Variants in C12orf42 observed in about 807,000 individuals in gnomAD.
C12orf42 encodes chromosome 12 open reading frame 42.
A neutral mutation model predicts 21.6 loss-of-function variants in C12orf42; 25 were observed. The observed-to-expected ratio is 1.16, with a 90% CI of 0.84 to 1.62. The LOEUF (loss-of-function observed/expected upper bound fraction) is 1.62, where lower values mean the gene tolerates loss of function less well. C12orf42 is among the 40% of genes most tolerant of loss of function. The pLI is 0.00. For synonymous variants in C12orf42, 174 were observed against 175.0 expected (o/e 0.99, Z 0.05); for missense variants, 483 against 459.3 (o/e 1.05, Z -0.47).
At chr12:103,048,242 G>T in the C12orf42 span, among the ~76,000 whole-genome samples, 26,709 of 151,788 alleles carry the variant, frequency 0.18, 2,702 homozygotes, top group Admixed American at 0.24. Flanking sequence ...AATAAAGTAG[G>T]GGGCAGAGAA....
intron 2 of C12orf42, among the ~76,000 whole-genome samples, chr12:103,449,158 A>G (rs1037511905): frequency 6.6e-6 from 1 of 152,120 alleles, no homozygotes; most frequent in African/African-American, 2.4e-5. Flanking sequence ...CTACGCAACC[A>G]TAAAAAGGAA....
chr12:103,214,897 CA>C, the C12orf42 span, among the ~76,000 whole-genome samples: 1 of 152,124 alleles, frequency 6.6e-6, no homozygotes, highest in Admixed American at 6.6e-5. Context: ...TTTCCTAGAC[CA>C]AACCTCACCA....
chr12:103,496,242 T>C (rs1448827410), upstream of C12orf42, among the ~76,000 whole-genome samples: 1 of 152,030 alleles, frequency 6.6e-6, no homozygotes, highest in Non-Finnish European at 1.5e-5. Flanking sequence ...ACGGAGGGGG[T>C]ACTTCTGGAG....
At chr12:103,435,889 A>C (rs1950660500) in intron 2 of C12orf42, among the ~76,000 whole-genome samples, 1 of 151,306 alleles carries the variant, frequency 6.6e-6, no homozygotes, top group Non-Finnish European at 1.5e-5. Flanking sequence ...CAGATTCAGG[A>C]AATACAGAGA....
intron 4 of C12orf42, among the ~76,000 whole-genome samples, chr12:103,315,323 C>T (rs56992478): frequency 0.01 from 1,561 of 152,104 alleles, 16 homozygotes; most frequent in African/African-American, 0.036. Flanking sequence ...TGTGCTCTAA[C>T]AGAACAAGTA....
intron 1 of C12orf42, among the ~76,000 whole-genome samples, chr12:103,489,367 C>G (rs982043862): frequency 7.2e-5 from 11 of 152,154 alleles, no homozygotes; most frequent in Non-Finnish European, 2.9e-5. Context: ...GACTGTCAGC[C>G]CCTAATGGGA....
At chr12:103,085,198 T>G in the C12orf42 span, among the ~76,000 whole-genome samples, 1 of 152,192 alleles carries the variant, frequency 6.6e-6, no homozygotes, top group Non-Finnish European at 1.5e-5. Context: ...TTTGGCAAAT[T>G]AATTGAGTCC....
At chr12:103,284,250 G>A (rs1227662054) in intron 4 of C12orf42, among the ~76,000 whole-genome samples, 1 of 152,144 alleles carries the variant, frequency 6.6e-6, no homozygotes, top group Non-Finnish European at 1.5e-5. Flanking sequence ...ATATTTGGAA[G>A]CACAGAGAAA....
intron 4 of C12orf42, among the ~76,000 whole-genome samples, chr12:103,353,542 T>C (rs2043275439): frequency 6.6e-6 from 1 of 152,072 alleles, no homozygotes; most frequent in South Asian, 2.1e-4. Context: ...AGTGTTTATG[T>C]GAGGGCCAGT....
the C12orf42 span, among the ~76,000 whole-genome samples, chr12:103,112,254 C>A: frequency 6.6e-6 from 1 of 152,174 alleles, no homozygotes; most frequent in Non-Finnish European, 1.5e-5. Context: ...CGTTATGAGG[C>A]ATTTAGCTTA....
At chr12:103,417,455 C>T (rs766464780) in intron 2 of C12orf42, among the ~76,000 whole-genome samples, 3 of 152,186 alleles carry the variant, frequency 2.0e-5, no homozygotes, top group Non-Finnish European at 4.4e-5. Context: ...GCTCCTTTAT[C>T]CAAACCATCT....
chr12:103,425,920 C>T (rs1028829656), intron 2 of C12orf42, among the ~76,000 whole-genome samples: 2 of 150,508 alleles, frequency 1.3e-5, no homozygotes, highest in African/African-American at 4.9e-5. Context: ...AATCCACCAA[C>T]TCAAAAAAGG....
chr12:103,181,896 G>C, the C12orf42 span, among the ~76,000 whole-genome samples: 41 of 152,262 alleles, frequency 2.7e-4, no homozygotes, highest in East Asian at 7.3e-3. Context: ...GGGAAATGCC[G>C]TAAGCTTATA....
chr12:103,275,740 ATT>A (rs202030025), intron 5 of C12orf42, among the ~76,000 whole-genome samples: 39 of 139,614 alleles, frequency 2.8e-4, no homozygotes, highest in Middle Eastern at 3.8e-3. Flanking sequence ...ATCAAGTAGG[ATT>A]TTTTTTTTTT....
At chr12:103,233,849 T>A (rs1053874980), downstream of C12orf42, among the ~76,000 whole-genome samples, 1 of 152,216 alleles carries the variant, frequency 6.6e-6, no homozygotes, top group African/African-American at 2.4e-5. Flanking sequence ...ACTTTCATTA[T>A]GATATCGAAA....
the C12orf42 span, among the ~76,000 whole-genome samples, chr12:103,165,259 G>T: frequency 6.6e-6 from 1 of 152,142 alleles, no homozygotes; most frequent in Non-Finnish European, 1.5e-5. Flanking sequence ...TTCTTTATCC[G>T]CATAAGCAAA....
chr12:103,322,295 T>C (rs1190626446), intron 4 of C12orf42, among the ~76,000 whole-genome samples: 1 of 152,186 alleles, frequency 6.6e-6, no homozygotes, highest in Non-Finnish European at 1.5e-5. Context: ...CCACAGTTGA[T>C]TGGTCAAGGT....
At chr12:103,114,512 C>T in the C12orf42 span, among the ~76,000 whole-genome samples, 1 of 152,192 alleles carries the variant, frequency 6.6e-6, no homozygotes, top group South Asian at 2.1e-4. Context: ...GCCCAGCACA[C>T]AAGCCCTCAA....
intron 5 of C12orf42, among the ~76,000 whole-genome samples, chr12:103,304,142 C>T (rs530338096): frequency 6.6e-6 from 1 of 152,192 alleles, no homozygotes; most frequent in African/African-American, 2.4e-5. Context: ...TTCACAGATT[C>T]AAATCTTGGT....
Sources: gnomAD v4.1 joint callset for allele counts (sites outside exome capture counted in the v4.1 genomes callset) on GRCh38, gnomAD v4.1.1 for gene constraint, MANE v1.5 for transcripts, NCBI Gene and HGNC (gene_info 2026-07-23, HGNC 2026-07-21) for gene names.